Variants in ENOX2 observed in about 807,000 individuals in gnomAD.
ENOX2 encodes the protein APK1 antigen.
A neutral mutation model predicts 45.0 loss-of-function variants in ENOX2; 36 were observed. The observed-to-expected ratio is 0.80, with a 90% confidence interval of 0.61 to 1.06. The LOEUF is 1.06. ENOX2 is among the 50% of genes least tolerant of loss of function. The pLI is 0.00. For missense variants in ENOX2, 423 were observed against 462.5 expected (o/e 0.91, Z 0.78); for synonymous variants, 174 against 152.3 (o/e 1.14, Z -1.05).
intron 2 of ENOX2, among the ~76,000 whole-genome samples, chrX:130,796,755 C>G (rs755599176): frequency 1.8e-5 from 2 of 111,894 alleles, no homozygotes; most frequent in Non-Finnish European, 3.8e-5. Flanking sequence ...ATTAGAAAAT[C>G]TTAACATTTT....
In ENOX2 at chrX:130,799,980, T is replaced by C. The variant is rs188174996; in HGVS notation, c.-182-16290A>G. 3.9e-3 allele frequency among the ~76,000 whole-genome samples: 433 copies of C among 111,716 alleles called. 2 individuals are homozygous for C. Among genetic ancestry groups the C allele is most frequent in the African/African-American group, 0.014 (417 of 30,801 alleles). On this transcript the variant is annotated intron_variant, in intron 2 of 14. Transcript: ENST00000394363. Reference sequence around the variant, plus strand: ...ATGTAAGGAAGCACAGAACAGTTTTTTTTTAATGATGTTTAAATACCAATA... The same window carrying C: ...ATGTAAGGAAGCACAGAACAGTTTTCTTTTAATGATGTTTAAATACCAATA...
intron 3 of ENOX2, among the ~76,000 whole-genome samples, chrX:130,713,736 TA>T (rs1169753915): frequency 2.1e-4 from 22 of 107,090 alleles, no homozygotes; most frequent in African/African-American, 3.7e-4. Context: ...TAGATGGGCC[TA>T]AAAAAAAAAT....
chrX:130,718,733 C>A (rs73635941), intron 3 of ENOX2, among the ~76,000 whole-genome samples: 1,491 of 111,167 alleles, frequency 0.013, 29 homozygotes, highest in African/African-American at 0.046. Flanking sequence ...TAAAATTAAA[C>A]CTTCTTTTCC....
At chrX:130,704,481 G>A (rs780157523) in intron 3 of ENOX2, among the ~76,000 whole-genome samples, 14 of 110,997 alleles carry the variant, frequency 1.3e-4, no homozygotes, top group Non-Finnish European at 1.5e-4. Flanking sequence ...ACAGACTTTC[G>A]TTTTGGGAAA....
intron 2 of ENOX2, among the ~76,000 whole-genome samples, chrX:130,832,037 G>C (rs1334928610): frequency 9.1e-6 from 1 of 109,952 alleles, no homozygotes; most frequent in East Asian, 2.8e-4. Context: ...TAATCAGCAG[G>C]TTCTAATCTT....
At chrX:130,761,166 T>G (rs1431177770) in intron 3 of ENOX2, among the ~76,000 whole-genome samples, 1 of 111,748 alleles carries the variant, frequency 8.9e-6, no homozygotes, top group African/African-American at 3.3e-5. Flanking sequence ...TTAGTATTTG[T>G]GTAATATTAG....
chrX:130,789,535 C>T (rs763846609), intron 2 of ENOX2, among the ~76,000 whole-genome samples: 52 of 111,897 alleles, frequency 4.6e-4, no homozygotes, highest in African/African-American at 1.3e-3. Context: ...AAGAAAATGG[C>T]TAAAATCTTG....
At chrX:130,672,539 C>T (rs1414580522) in intron 6 of ENOX2, among the ~76,000 whole-genome samples, 1 of 112,728 alleles carries the variant, frequency 8.9e-6, no homozygotes, top group Non-Finnish European at 1.9e-5. Context: ...ACAGTTGCCT[C>T]CCACTCTCAC....
chrX:130,724,160 T>C (rs1211093405), intron 3 of ENOX2, among the ~76,000 whole-genome samples: 1 of 112,377 alleles, frequency 8.9e-6, no homozygotes, highest in African/African-American at 3.2e-5. Flanking sequence ...GCTAATGTCT[T>C]CCATACTAAT....
intron 2 of ENOX2, among the ~76,000 whole-genome samples, chrX:130,855,678 A>G (rs2078294502): frequency 9.0e-6 from 1 of 111,672 alleles, no homozygotes; most frequent in Non-Finnish European, 1.9e-5. Context: ...TGCTCTAGAC[A>G]TGACACCAAA....
chrX:130,871,614 T>C (rs2078592255), intron 2 of ENOX2, among the ~76,000 whole-genome samples: 1 of 111,255 alleles, frequency 9.0e-6, no homozygotes, highest in Non-Finnish European at 1.9e-5. Flanking sequence ...TTTACAAAGG[T>C]GAAGGGCGAG....
intron 2 of ENOX2, among the ~76,000 whole-genome samples, chrX:130,862,427 C>T (rs1165983125): frequency 9.0e-6 from 1 of 111,405 alleles, no homozygotes; most frequent in Non-Finnish European, 1.9e-5. Context: ...AAAATTGCAA[C>T]CTTTTTTCCC....
intron 2 of ENOX2, among the ~76,000 whole-genome samples, chrX:130,814,611 G>A (rs926197845): frequency 1.8e-5 from 2 of 111,879 alleles, no homozygotes; most frequent in African/African-American, 3.3e-5. Flanking sequence ...AAAGGGTCTC[G>A]AGTGGACCTC....
intron 3 of ENOX2, among the ~76,000 whole-genome samples, chrX:130,726,260 A>ACAAAG (rs754313733): frequency 8.9e-6 from 1 of 112,060 alleles, no homozygotes; most frequent in South Asian, 3.8e-4. Flanking sequence ...GAGCTCTCCA[A>ACAAAG]CAAAGCAAAG....
chrX:130,716,510 T>C (rs2038333404), intron 3 of ENOX2, among the ~76,000 whole-genome samples: 1 of 111,909 alleles, frequency 8.9e-6, no homozygotes, highest in Non-Finnish European at 1.9e-5. Flanking sequence ...GTAGCTCAAT[T>C]ATCCATGACA....
intron 7 of ENOX2, among the ~76,000 whole-genome samples, chrX:130,668,712 T>G (rs1266003034): frequency 2.7e-5 from 3 of 112,236 alleles, no homozygotes; most frequent in Non-Finnish European, 5.6e-5. Flanking sequence ...AGTTTGAACT[T>G]CTTGCCTCTT....
At position 130,889,307 on chromosome X, in the gene ENOX2, G is replaced by C. The variant is rs1418408967; in HGVS notation, c.-183+12377C>G. Among the ~76,000 whole-genome samples, 3 of 112,002 alleles carry C rather than the reference G, an allele frequency of 2.7e-5. No individual in the cohort carries two copies. In the East Asian group the frequency reaches 8.4e-4, roughly 31 times the overall value. On this transcript the variant is annotated intron_variant, in intron 2 of 14. Transcript: ENST00000394363. ...GCAGCCAAAAGAAAGGTGGGGGATA[G>C]AGCAGGGATATCAGATGTCAGCTCC...
chrX:130,715,639 G>A (rs904463641), intron 3 of ENOX2, among the ~76,000 whole-genome samples: 1 of 110,102 alleles, frequency 9.1e-6, no homozygotes, highest in Non-Finnish European at 1.9e-5. Flanking sequence ...GACCAGGCAT[G>A]ATAAACTCTC....
At chrX:130,731,890 A>G (rs1244860157) in intron 3 of ENOX2, among the ~76,000 whole-genome samples, 2 of 111,944 alleles carry the variant, frequency 1.8e-5, no homozygotes, top group Non-Finnish European at 3.8e-5. Flanking sequence ...GCCCACAACT[A>G]TATCACACTC....
Sources: allele counts gnomAD v4.1 joint callset (sites outside exome capture counted in the v4.1 genomes callset), GRCh38; gene constraint gnomAD v4.1.1; transcripts MANE v1.5; gene names NCBI Gene and HGNC (gene_info 2026-07-23, HGNC 2026-07-21).